The following TG variants were observed in gnomAD, a reference collection of about 807,000 sequenced individuals.
TG encodes thyroglobulin.
TG carries 270 observed loss-of-function variants against 324.7 expected under a neutral mutation model. The ratio of observed to expected loss-of-function variants is 0.83; its 90% CI spans 0.75 to 0.92. The LOEUF (loss-of-function observed/expected upper bound fraction) is 0.92. TG is among the 40% of genes least tolerant of loss of function. The pLI is 0.00. For synonymous variants in TG, 1,401 were observed against 1,327.0 expected (o/e 1.06, Z -1.21); for missense variants, 3,591 against 3,456.4 (o/e 1.04, Z -0.98).
chr8:132,977,837 C>T (rs1421535743), intron 34 of TG, among the ~76,000 whole-genome samples: 1 of 152,076 alleles, frequency 6.6e-6, no homozygotes, highest in Non-Finnish European at 1.5e-5. Flanking sequence ...CACTAGGTCC[C>T]CTGTTTCTGA....
At chr8:133,134,290 A>G (rs1350076296) in intron 47 of TG, among the ~76,000 whole-genome samples, 1 of 152,116 alleles carries the variant, frequency 6.6e-6, no homozygotes, top group Non-Finnish European at 1.5e-5. Flanking sequence ...TCCTCCCTGG[A>G]GGCTCTAGGA....
intron 44 of TG, among the ~76,000 whole-genome samples, chr8:133,114,883 G>C (rs1332178459): frequency 1.3e-5 from 2 of 152,170 alleles, no homozygotes; most frequent in Admixed American, 6.5e-5. Context: ...CAACTGGAGG[G>C]TCACTGGCTC....
chr8:132,898,380 A>G, intron 13 of TG, 134 bp downstream of exon 13: 1 of 869,378 alleles, frequency 1.2e-6, no homozygotes, highest in Non-Finnish European at 1.9e-6. Flanking sequence ...AGCCAGACGC[A>G]TTTCCCAAGT....
intron 11 of TG, among the ~76,000 whole-genome samples, chr8:132,897,276 A>C (rs563381711): frequency 1.5e-4 from 23 of 152,324 alleles, no homozygotes; most frequent in African/African-American, 5.5e-4. Flanking sequence ...GTGAGGATTA[A>C]ATTAATTAAG....
chr8:132,886,901 T>A lies in TG; in HGVS notation c.1529T>A (p.Leu510Ter). The A allele has an allele frequency of 6.2e-7, 1 of 1,614,134 alleles. No individual in the cohort carries two copies. The highest frequency in any genetic ancestry group is 8.5e-7 in the Non-Finnish European group (1 of 1,180,030). Residue 510 changes from leucine (L) to a stop codon, truncating the protein, a stop_gained, in exon 9 of 48, where the codon TTG (leucine) becomes TAG (stop). Coordinates refer to ENST00000220616, the MANE Select transcript of TG (RefSeq NM_003235.5). LOFTEE classifies it high-confidence loss of function. ...FFQQLGLASFLNGGRQEDLAK... is the reference protein window; with the variant it reads ...FFQQLGLASF ...CAGCAACTTGGTCTTGCAAGCTTCTTGAATGGAGGGAGACAAGAAGATTTG... is the reference window on the plus strand; with the variant it reads ...CAGCAACTTGGTCTTGCAAGCTTCTAGAATGGAGGGAGACAAGAAGATTTG...
rs747529609 is a variant in TG, at chr8:132,971,890, C to T, written c.6055+17C>T. The T allele has an allele frequency of 3.9e-5, 61 of 1,546,296 alleles. No homozygotes were observed. In the South Asian group the frequency reaches 6.5e-4, roughly 16 times the overall value. On this transcript the variant is annotated intron_variant, in intron 33 of 47. Transcript: ENST00000220616. The stretch of plus-strand genomic sequence containing the variant: ...AGTTAAAAGGTAATAATGGTAACAA[C>T]TTCCTCTCCCCTGCGCACAGTACTC...
intron 29 of TG, 27 bp from the exon 30 acceptor site, chr8:132,966,533 G>A: frequency 2.5e-6 from 4 of 1,613,762 alleles, no homozygotes; most frequent in Middle Eastern, 1.7e-4. Flanking sequence ...AAAGGTGCAG[G>A]AAGTTGACTC....
At chr8:132,962,963 A>G (rs763886518) in intron 28 of TG, 31 bp from the exon 29 acceptor site, 2 of 1,607,894 alleles carry the variant, frequency 1.2e-6, no homozygotes, top group Non-Finnish European at 1.7e-6. Context: ...ATTCTCCCCA[A>G]CATTGCAACA....
At chr8:133,040,471 A>G (rs896712220) in intron 41 of TG, 5 of 271,516 alleles carry the variant, frequency 1.8e-5, no homozygotes, top group Non-Finnish European at 3.6e-5. Flanking sequence ...TCAACTGCAG[A>G]ATGAAAGAAA....
intron 30 of TG, among the ~76,000 whole-genome samples, chr8:132,967,119 A>C (rs1828692339): frequency 7.0e-6 from 1 of 142,362 alleles, no homozygotes; most frequent in Admixed American, 6.8e-5. Context: ...CGATCCATCC[A>C]TCCATCCATC....
chr8:133,117,825 T>TG (rs1850819941), intron 45 of TG, among the ~76,000 whole-genome samples: 1 of 152,216 alleles, frequency 6.6e-6, no homozygotes. Context: ...GGGAGCTGGG[T>TG]GAAAGGACTG....
intron 38 of TG, among the ~76,000 whole-genome samples, chr8:133,018,274 G>T (rs117004909): frequency 6.6e-6 from 1 of 152,206 alleles, no homozygotes; most frequent in African/African-American, 2.4e-5. Flanking sequence ...GCTGATGGAG[G>T]CTCTGCCTTC....
chr8:132,956,027 A>C (rs988604638), intron 27 of TG, among the ~76,000 whole-genome samples: 2 of 152,244 alleles, frequency 1.3e-5, no homozygotes, highest in East Asian at 3.8e-4. Flanking sequence ...TGGGGAAGAA[A>C]TGAAAGTATT....
At position 132,961,059 on chromosome 8, in the gene TG, T is replaced by A; in HGVS notation, c.5453T>A (p.Val1818Asp). 6.2e-7 allele frequency: 1 copy of A among 1,613,920 alleles called. No individual in the cohort carries two copies. The highest frequency in any genetic ancestry group is 8.5e-7 in the Non-Finnish European group (1 of 1,179,934). ...TQDTFTNFQQVYLWKDSDMGS... is the reference protein window; with the variant it reads ...TQDTFTNFQQDYLWKDSDMGS... ...GACACCTTTACCAATTTTCAGCAGG[T>A]TTATCTCTGGAAAGGTGAGCTCCGT... Residue 1818 changes from valine (V) to aspartate (D), a missense_variant, in exon 28 of 48, where the codon GTT (valine) becomes GAT (aspartate). By Grantham distance (152) the Val-to-Asp change is radical. Coordinates refer to ENST00000220616, the MANE Select transcript of TG (RefSeq NM_003235.5).
intron 41 of TG, among the ~76,000 whole-genome samples, chr8:133,092,877 ACTTT>A (rs1847788854): frequency 2.0e-5 from 3 of 152,248 alleles, no homozygotes; most frequent in Non-Finnish European, 4.4e-5. Flanking sequence ...TAAACAAAAT[ACTTT>A]AAGAGAAAGA....
intron 40 of TG, among the ~76,000 whole-genome samples, chr8:133,026,170 G>A (rs919042905): frequency 2.0e-5 from 3 of 152,238 alleles, no homozygotes; most frequent in Non-Finnish European, 2.9e-5. Flanking sequence ...CACAGAGCCA[G>A]GCTGAGCAGC....
chr8:132,892,099 G>A (rs1453661451), intron 10 of TG, among the ~76,000 whole-genome samples: 1 of 152,168 alleles, frequency 6.6e-6, no homozygotes, highest in African/African-American at 2.4e-5. Context: ...ATCCCTGGTC[G>A]CACAACTAAT....
chr8:133,052,306 T>C (rs1206122187), intron 41 of TG, among the ~76,000 whole-genome samples: 2 of 152,210 alleles, frequency 1.3e-5, no homozygotes, highest in African/African-American at 4.8e-5. Context: ...GGTGGAACAG[T>C]GCAGTCAAAT....
rs1183934589 is a variant in TG at position 132,925,389 on chromosome 8, C to G, written c.4699+1881C>G. ...TATGCATGCATAGCCTACCTGTCCT[C>G]CAGGGAAGCTGGTACAGCTCATGGG... On this transcript the variant is annotated intron_variant, in intron 22 of 47. Coordinates refer to ENST00000220616, the MANE Select transcript of TG (RefSeq NM_003235.5). 2.0e-5 allele frequency among the ~76,000 whole-genome samples: 3 copies of G among 152,148 alleles called. No individual in the cohort carries two copies. The East Asian group carries it at 5.8e-4, about 29-fold the overall frequency.
Sources: gnomAD v4.1 joint callset for allele counts (sites outside exome capture counted in the v4.1 genomes callset) on GRCh38, gnomAD v4.1.1 for gene constraint, MANE v1.5 for transcripts, NCBI Gene and HGNC (gene_info 2026-07-23, HGNC 2026-07-21) for gene names.